The following EIPR1 variants were observed in gnomAD, a reference collection of about 807,000 sequenced individuals.
The protein encoded by EIPR1 is EARP and GARP complex-interacting protein 1.
Under a neutral mutation model 48.1 loss-of-function variants are expected in EIPR1, and 25 were observed. The observed-to-expected ratio is 0.52, with a 90% CI of 0.38 to 0.73. The LOEUF is 0.73. Ranked by LOEUF, EIPR1 falls within the 30% of genes least tolerant of loss-of-function variation. EIPR1 has a pLI of 0.00. For synonymous variants in EIPR1, 204 were observed against 201.9 expected, an observed-to-expected ratio of 1.01 and a Z score of -0.09; for missense variants, 415 against 506.2, an observed-to-expected ratio of 0.82 and a Z score of 1.73.
intron 2 of EIPR1, among the ~76,000 whole-genome samples, chr2:3,348,374 A>G (rs1670467628): frequency 6.6e-6 from 1 of 152,130 alleles, no homozygotes; most frequent in Non-Finnish European, 1.5e-5. Flanking sequence ...TCTTATCTAC[A>G]TGAGAAAGAG....
chr2:3,304,259 T>C (rs903666713), intron 3 of EIPR1, among the ~76,000 whole-genome samples: 4 of 152,194 alleles, frequency 2.6e-5, no homozygotes, highest in Non-Finnish European at 5.9e-5. Context: ...GGAGTTGAGA[T>C]GGCCAGGGCT....
At chr2:3,225,045 C>T (rs936312201) in intron 4 of EIPR1, among the ~76,000 whole-genome samples, 1 of 152,134 alleles carries the variant, frequency 6.6e-6, no homozygotes, top group African/African-American at 2.4e-5. Flanking sequence ...ATTTCAGTTA[C>T]GTGCATATCT....
chr2:3,344,076 A>G (rs1670331520), intron 2 of EIPR1, among the ~76,000 whole-genome samples: 1 of 152,156 alleles, frequency 6.6e-6, no homozygotes, highest in African/African-American at 2.4e-5. Flanking sequence ...CCACATATAA[A>G]TAAGACTGGA....
Position 3,257,554 on chromosome 2 carries a change from G to A in EIPR1, c.260-99C>T, listed in dbSNP as rs1283809450. On this transcript the variant is annotated intron_variant, in intron 3 of 8. Transcript: ENST00000382125. ...ATTTACACAAATCCATAAGCAGCGC[G>A]CATCTGCTCTTTAAAATATGTACGA... The A allele has an allele frequency of 4.1e-5, 58 of 1,408,938 alleles. No homozygotes were observed. The East Asian group carries it at 7.3e-4, about 18-fold the overall frequency. The allele number at this position is 1,408,938 out of a possible 1,614,324, so 87.3% of individuals were successfully genotyped here. A position where few individuals can be genotyped will look rare whatever the true frequency, so the allele number is the denominator to read the frequency against.
intron 3 of EIPR1, among the ~76,000 whole-genome samples, chr2:3,269,209 C>G (rs975777319): frequency 3.3e-5 from 5 of 152,002 alleles, no homozygotes; most frequent in African/African-American, 1.2e-4. Flanking sequence ...TCATCACACT[C>G]AATCATCGCA....
chr2:3,296,401 C>T (rs1668597588), intron 3 of EIPR1, among the ~76,000 whole-genome samples: 1 of 140,518 alleles, frequency 7.1e-6, no homozygotes, highest in African/African-American at 2.7e-5. Context: ...CACACACACC[C>T]TCCATCCAGC....
At position 3,253,304 on chromosome 2, in the gene EIPR1, T is replaced by C. The variant is rs200190804; in HGVS notation, c.416+3995A>G. On this transcript the variant is annotated intron_variant, in intron 4 of 8. Transcript: ENST00000382125. The stretch of plus-strand genomic sequence containing the variant: ...AAACCCATGTATTTCTTAAATGTAT[T>C]TGATTGATGTCTCATGACTCCCTAA... Among the ~76,000 whole-genome samples, 17 of 152,342 alleles carry C rather than the reference T, an allele frequency of 1.1e-4. No homozygotes were observed. In the East Asian group the frequency reaches 3.1e-3, roughly 28 times the overall value.
intron 3 of EIPR1, among the ~76,000 whole-genome samples, chr2:3,295,754 C>T (rs1273723786): frequency 7.3e-6 from 1 of 137,158 alleles, no homozygotes; most frequent in South Asian, 2.5e-4. Context: ...TCCATCCAGC[C>T]CGTCCTCTCT....
intron 1 of EIPR1, among the ~76,000 whole-genome samples, chr2:3,369,003 C>G (rs1390167516): frequency 6.6e-6 from 1 of 152,028 alleles, no homozygotes; most frequent in Non-Finnish European, 1.5e-5. Context: ...AAGTGTTCTC[C>G]ATGGGATTTG....
intron 4 of EIPR1, among the ~76,000 whole-genome samples, chr2:3,219,718 T>C (rs1665804068): frequency 6.6e-6 from 1 of 151,372 alleles, no homozygotes; most frequent in Admixed American, 6.6e-5. Context: ...TCTAGAGCAT[T>C]CACAGTGACT....
Position 3,286,585 on chromosome 2 carries a change from T to G in EIPR1, c.260-29130A>C, listed in dbSNP as rs1668193035. Among the ~76,000 whole-genome samples, 1 of 152,226 alleles carries G rather than the reference T, an allele frequency of 6.6e-6. No homozygotes were observed. The highest frequency in any genetic ancestry group is 2.4e-5 in the African/African-American group (1 of 41,454). On this transcript the variant is annotated intron_variant, in intron 3 of 8. Coordinates refer to ENST00000382125, the MANE Select transcript of EIPR1 (RefSeq NM_003310.5). The surrounding 1 kb of genome is among the most constrained non-coding windows in gnomAD (Gnocchi z 4.2). ...ACTCTGGAAGCGTTTTCATAAGCAC[T>G]TGTCATATGTCATATGCAGTGTGCT...
At chr2:3,357,446 T>C (rs1161045345) in intron 1 of EIPR1, among the ~76,000 whole-genome samples, 1 of 152,196 alleles carries the variant, frequency 6.6e-6, no homozygotes, top group Non-Finnish European at 1.5e-5. Flanking sequence ...TGAGTCCTTG[T>C]GGATGAAACA....
chr2:3,215,019 C>G (rs114959111), intron 4 of EIPR1, among the ~76,000 whole-genome samples: 93 of 152,206 alleles, frequency 6.1e-4, no homozygotes, highest in African/African-American at 2.1e-3. Flanking sequence ...GTAAGAGAGC[C>G]CTCACCAGGA....
intron 2 of EIPR1, among the ~76,000 whole-genome samples, chr2:3,341,095 C>CAGAA (rs1670227227): frequency 9.9e-4 from 22 of 22,204 alleles, no homozygotes; most frequent in African/African-American, 2.6e-3. Context: ...GATCCTGTCT[C>CAGAA]AAAAAAAAAA....
intron 3 of EIPR1, among the ~76,000 whole-genome samples, chr2:3,277,571 C>CAGCCG: frequency 6.6e-6 from 1 of 152,150 alleles, no homozygotes; most frequent in South Asian, 2.1e-4. Context: ...GTGAACAACC[C>CAGCCG]CAGGCCGTGG....
chr2:3,239,109 G>A (rs555088161), intron 4 of EIPR1, among the ~76,000 whole-genome samples: 8 of 152,320 alleles, frequency 5.3e-5, no homozygotes, highest in South Asian at 2.1e-4. Context: ...CTGCCCGGCC[G>A]CCTGCACAGC....
At chr2:3,352,772 A>G (rs902187973) in intron 2 of EIPR1, among the ~76,000 whole-genome samples, 1 of 152,214 alleles carries the variant, frequency 6.6e-6, no homozygotes, top group African/African-American at 2.4e-5. Context: ...TGAGGCCAGC[A>G]GATAACCTGA....
chr2:3,326,142 G>A (rs1018552571), intron 3 of EIPR1, among the ~76,000 whole-genome samples: 1 of 152,230 alleles, frequency 6.6e-6, no homozygotes, highest in African/African-American at 2.4e-5. Context: ...GATGCTCAGA[G>A]CCCACTGCTC....
chr2:3,307,155 T>C (rs1398736757), intron 3 of EIPR1, among the ~76,000 whole-genome samples: 2 of 151,812 alleles, frequency 1.3e-5, no homozygotes, highest in African/African-American at 4.8e-5. Flanking sequence ...AGAGATGGGG[T>C]TCTACCATGT....
Sources: gnomAD v4.1 joint callset for allele counts (sites outside exome capture counted in the v4.1 genomes callset) on GRCh38, gnomAD v4.1.1 for gene constraint, Gnocchi (gnomAD v3.1) non-coding constraint, MANE v1.5 for transcripts, NCBI Gene and HGNC (gene_info 2026-07-23, HGNC 2026-07-21) for gene names.